The following BPIFB4 variants were observed in gnomAD, a reference collection of about 807,000 sequenced individuals.
BPIFB4 encodes BPI fold-containing family B member 4.
In BPIFB4, 62 loss-of-function variants were observed where a neutral mutation model predicts 69.2. The ratio of observed to expected loss-of-function variants is 0.90; its 90% CI spans 0.73 to 1.11. BPIFB4 has a LOEUF of 1.11. Ranked by LOEUF, BPIFB4 falls within the 50% of genes least tolerant of loss-of-function variation. The pLI is 0.00. For missense variants in BPIFB4, 789 were observed against 792.0 expected (o/e 1.00, Z 0.04); for synonymous variants, 330 against 332.7 (o/e 0.99, Z 0.09).
At chr20:33,092,784 T>C (rs1981645055) in intron 11 of BPIFB4, 126 bp downstream of exon 11, 3 of 865,188 alleles carry the variant, frequency 3.5e-6, no homozygotes, top group Non-Finnish European at 3.6e-6. Context: ...ACCCCTTGAC[T>C]CACCTCCAGC....
chr20:33,103,164 G>T, intron 15 of BPIFB4, 150 bp downstream of exon 15: 1 of 874,186 alleles, frequency 1.1e-6, no homozygotes, highest in African/African-American at 1.6e-5. Context: ...CCCTCATTTT[G>T]CAGATGGACA....
rs1600567322 is a variant in BPIFB4 at position 33,111,503 on chromosome 20, T to C, written c.*66T>C. On this transcript the variant is annotated 3_prime_UTR_variant, in exon 18 of 18. Transcript: ENST00000375483. Reference sequence around the variant, plus strand: ...GAACCAGTCCCAGAGAGGCTCGGCCTGGAAACAGTCCCCTGCCCAGAGTCC... The same window carrying C: ...GAACCAGTCCCAGAGAGGCTCGGCCCGGAAACAGTCCCCTGCCCAGAGTCC... 3 of 1,594,598 alleles carry C rather than the reference T, an allele frequency of 1.9e-6. No individual in the cohort carries two copies. The African/African-American group carries it at 4.0e-5, about 21-fold the overall frequency.
intron 17 of BPIFB4, among the ~76,000 whole-genome samples, chr20:33,110,406 C>T (rs946647092): frequency 6.6e-6 from 1 of 152,208 alleles, no homozygotes; most frequent in African/African-American, 2.4e-5. Context: ...GTCCATGTGA[C>T]TTATTCCTGG....
intron 17 of BPIFB4, 81 bp from the exon 18 acceptor site, chr20:33,111,333 C>G: frequency 6.4e-7 from 1 of 1,574,072 alleles, no homozygotes; most frequent in Non-Finnish European, 8.7e-7. Context: ...CATGACCGGC[C>G]AGATCCGTAG....
Position 33,083,430 on chromosome 20 carries a change from G to A in BPIFB4, c.233G>A (p.Gly78Asp), listed in dbSNP as rs1981305958. 3.7e-6 allele frequency: 6 copies of A among 1,613,502 alleles called. No homozygotes were observed. Among genetic ancestry groups the A allele is most frequent in the South Asian group, 1.1e-5 (1 of 91,058 alleles). ...VRGPPPVYTN[G>D]KKLDGIYQYG... Reference sequence around the variant, plus strand: ...GGACCCCCCCCAGTATATACCAACGGCAAAAAACTTGATGGTATTTACCAG... The same window carrying A: ...GGACCCCCCCCAGTATATACCAACGACAAAAAACTTGATGGTATTTACCAG... Residue 78 changes from glycine (G) to aspartate (D), a missense_variant, in exon 5 of 18, where the codon GGC becomes GAC. This residue lies in a region of BPIFB4 where 611 missense variants were observed against 575.4 expected (regional missense o/e 1.06). Transcript: ENST00000375483.
rs13041016 is a variant in BPIFB4, at chr20:33,097,599, C to A, written c.1399-18C>A. On this transcript the variant is annotated intron_variant, in intron 12 of 17. Coordinates refer to ENST00000375483, the MANE Select transcript of BPIFB4 (RefSeq NM_182519.3). ...TATGCTAAGGGCCCTGTCCATCTGG[C>A]CTGGTGCCTGCCCACAGGTGTTCCA... is the stretch of plus-strand genomic sequence containing the variant. 3 of 1,610,690 alleles carry A rather than the reference C, an allele frequency of 1.9e-6. No individual in the cohort carries two copies. Among genetic ancestry groups the A allele is most frequent in the Admixed American group, 1.7e-5 (1 of 59,938 alleles).
At chr20:33,094,252 G>A (rs1183967355) in intron 11 of BPIFB4, among the ~76,000 whole-genome samples, 2 of 152,180 alleles carry the variant, frequency 1.3e-5, no homozygotes, top group Non-Finnish European at 2.9e-5. Flanking sequence ...GAAGGTAATG[G>A]CATTATTTTG....
intron 16 of BPIFB4, among the ~76,000 whole-genome samples, chr20:33,106,988 G>A (rs767094041): frequency 2.6e-5 from 4 of 151,936 alleles, no homozygotes; most frequent in East Asian, 2.0e-4. Flanking sequence ...GGTGGAGCAC[G>A]AGGTCAGGAG....
chr20:33,111,244 G>C (rs938281043), intron 17 of BPIFB4, among the ~76,000 whole-genome samples, 170 bp from the exon 18 acceptor site: 3 of 152,214 alleles, frequency 2.0e-5, no homozygotes, highest in African/African-American at 7.2e-5. Flanking sequence ...CACAGGGCCA[G>C]ATAATGACCT....
chr20:33,099,316 A>T (rs1981842985), intron 13 of BPIFB4, among the ~76,000 whole-genome samples: 1 of 152,118 alleles, frequency 6.6e-6, no homozygotes, highest in Non-Finnish European at 1.5e-5. Flanking sequence ...TGTGGGCCTT[A>T]TAAGATGGTC....
At chr20:33,104,698 T>C (rs1246935372) in intron 15 of BPIFB4, 112 bp from the exon 16 acceptor site, 2 of 966,274 alleles carry the variant, frequency 2.1e-6, no homozygotes, top group African/African-American at 3.3e-5. Context: ...GAACCTAGAC[T>C]CTCCCAGAGC....
intron 7 of BPIFB4, among the ~76,000 whole-genome samples, chr20:33,087,060 C>T (rs752063602): frequency 2.0e-4 from 30 of 152,210 alleles, no homozygotes; most frequent in Non-Finnish European, 3.5e-4. Flanking sequence ...GGAGACTTTA[C>T]TTCTGCTTCA....
intron 14 of BPIFB4, among the ~76,000 whole-genome samples, chr20:33,102,767 G>A (rs546510446): frequency 2.0e-5 from 3 of 152,326 alleles, no homozygotes; most frequent in East Asian, 1.9e-4. Context: ...AGCCTTCTCC[G>A]TGTGGTGCAT....
rs756394740 is a variant in BPIFB4 at position 33,090,710 on chromosome 20, C to T, written c.1054C>T (p.Leu352=). Residue 352 remains leucine (L), a splice_region_variant and synonymous_variant, in exon 10 of 18, where the codon CTG becomes TTG. Transcript: ENST00000375483. The stretch of plus-strand genomic sequence containing the variant: ...GTGACCCTCTCCTTTGCCTGCAGCT[C>T]TGATTCCTCTGGGGATATTGGGAAG... ...VNDQLGLVDS[L]IPLGILGSVQ... 6.2e-7 allele frequency: 1 copy of T among 1,614,132 alleles called. No individual in the cohort carries two copies.
chr20:33,085,144 T>C lies in BPIFB4; in HGVS notation c.782+148T>C. Reference sequence around the variant, plus strand: ...CCATCTGTCAGCGGTGAAAACAGCCTAGCACAGTGGTTAAGATCTGGGAGG... The same window carrying C: ...CCATCTGTCAGCGGTGAAAACAGCCCAGCACAGTGGTTAAGATCTGGGAGG... On this transcript the variant is annotated intron_variant, in intron 6 of 17. Transcript: ENST00000375483. The C allele has an allele frequency of 4.2e-6, 6 of 1,437,714 alleles. No homozygotes were observed. In the South Asian group the frequency reaches 7.2e-5, roughly 17 times the overall value. The allele number at this position is 1,437,714 out of a possible 1,614,324, so 89.1% of individuals were successfully genotyped here.
intron 11 of BPIFB4, among the ~76,000 whole-genome samples, chr20:33,093,463 CTGTT>C (rs1192671691): frequency 1.3e-5 from 2 of 151,216 alleles, no homozygotes; most frequent in African/African-American, 2.4e-5. Flanking sequence ...ATCCATCCAT[CTGTT>C]TATCTATCCA....
Position 33,086,216 on chromosome 20 carries a change from C to G in BPIFB4, c.926+52C>G, listed in dbSNP as rs1176380126. On this transcript the variant is annotated intron_variant, in intron 7 of 17. Transcript: ENST00000375483. The stretch of plus-strand genomic sequence containing the variant: ...CTTGGGGGTTGCTGGAATGGTCTGT[C>G]TTTGGCAAACAACATGACGTCACCC... The G allele has an allele frequency of 2.5e-6, 4 of 1,578,318 alleles. No homozygotes were observed. In the Admixed American group the frequency reaches 5.0e-5, roughly 20 times the overall value.
chr20:33,109,704 A>G (rs1018972555), intron 17 of BPIFB4, among the ~76,000 whole-genome samples: 1 of 152,208 alleles, frequency 6.6e-6, no homozygotes, highest in Non-Finnish European at 1.5e-5. Context: ...ATATTCTGGT[A>G]AGGGAATTAT....
intron 17 of BPIFB4, among the ~76,000 whole-genome samples, chr20:33,108,889 G>T (rs1263266358): frequency 1.3e-5 from 2 of 152,178 alleles, no homozygotes; most frequent in East Asian, 3.8e-4. Flanking sequence ...TGGAATGAAT[G>T]GGGCCTTTGT....
Sources: gnomAD v4.1 joint callset for allele counts (sites outside exome capture counted in the v4.1 genomes callset) on GRCh38, gnomAD v4.1.1 for gene constraint, gnomAD v4.1.1 regional missense constraint, MANE v1.5 for transcripts, NCBI Gene and HGNC (gene_info 2026-07-23, HGNC 2026-07-21) for gene names.